Variants in CRISP3 observed in about 807,000 individuals in gnomAD.
The protein encoded by CRISP3 is cysteine-rich secretory protein 3.
Under a neutral mutation model 36.1 loss-of-function variants are expected in CRISP3, and 33 were observed. The ratio of observed to expected loss-of-function variants is 0.91; its 90% CI spans 0.69 to 1.22. The LOEUF (loss-of-function observed/expected upper bound fraction) is 1.22, where lower values mean the gene tolerates loss of function less well. Ranked by LOEUF, CRISP3 falls within the 50% of genes most tolerant of loss-of-function variation. CRISP3 has a pLI of 0.00. For missense variants in CRISP3, 330 were observed against 301.2 expected (o/e 1.10, Z -0.71); for synonymous variants, 117 against 104.6 (o/e 1.12, Z -0.72).
rs776121414 is a variant in CRISP3, at chr6:49,733,739, T to C, written c.426A>G (p.Pro142=). 1 of 1,613,718 alleles carries C rather than the reference T, an allele frequency of 6.2e-7. No homozygotes were observed. Among genetic ancestry groups the C allele is most frequent in the Non-Finnish European group, 8.5e-7 (1 of 1,179,672 alleles). ...GTCCAACCACTGCGTTGGGAGTCTT[T>C]GGCCCTACACCAAAGTCAAAATCAT... ...EYNDFDFGVG[P]KTPNAVVGHY... is the part of the protein sequence containing the mutation. The change falls in exon 5 of 8, where the codon CCA becomes CCG. Residue 142 remains proline (P), a synonymous_variant. Coordinates refer to ENST00000263045, the MANE Select transcript of CRISP3 (RefSeq NM_006061.4).
At chr6:49,734,457 AG>A (rs1321113128) in intron 4 of CRISP3, among the ~76,000 whole-genome samples, 1 of 152,200 alleles carries the variant, frequency 6.6e-6, no homozygotes, top group Non-Finnish European at 1.5e-5. Flanking sequence ...TCAAAAAATA[AG>A]GAAAAAAGTG....
intron 6 of CRISP3, among the ~76,000 whole-genome samples, chr6:49,732,948 G>T (rs1032545075): frequency 1.3e-5 from 2 of 152,240 alleles, no homozygotes; most frequent in East Asian, 3.9e-4. Flanking sequence ...CATAGCAAAA[G>T]GCAATTGAGA....
chr6:49,744,266 T>A, intron 1 of CRISP3, 65 bp downstream of exon 1: 1 of 1,181,952 alleles, frequency 8.5e-7, no homozygotes, highest in Non-Finnish European at 1.2e-6. Context: ...ATTGATAAGG[T>A]ATAAATGTGT....
chr6:49,734,103 C>G (rs928145519), intron 4 of CRISP3, among the ~76,000 whole-genome samples: 1 of 152,070 alleles, frequency 6.6e-6, no homozygotes, highest in African/African-American at 2.4e-5. Context: ...GATGGAGAAG[C>G]CTTTTTTCTT....
Position 49,728,837 on chromosome 6 carries a change from C to A in CRISP3, c.670G>T (p.Asp224Tyr). The change falls in exon 8 of 8, where the codon GAT (aspartate) becomes TAT (tyrosine). Residue 224 changes from aspartate (D) to tyrosine (Y), a missense_variant. Transcript: ENST00000263045. Reference sequence around the variant, plus strand: ...AAACTTTTACAGTTACTATAGAGATCTTCGTACTTGCAACCATTGGCTGGA... The same window carrying A: ...AAACTTTTACAGTTACTATAGAGATATTCGTACTTGCAACCATTGGCTGGA... ...GLCTNGCKYEDLYSNCKSLKL... is the reference protein window; with the variant it reads ...GLCTNGCKYEYLYSNCKSLKL... The A allele has an allele frequency of 1.2e-6, 2 of 1,610,642 alleles. No individual in the cohort carries two copies. The highest frequency in any genetic ancestry group is 1.7e-6 in the Non-Finnish European group (2 of 1,178,366).
chr6:49,735,350 T>G (rs964939547), intron 4 of CRISP3, among the ~76,000 whole-genome samples, 154 bp downstream of exon 4: 1 of 152,190 alleles, frequency 6.6e-6, no homozygotes, highest in African/African-American at 2.4e-5. Context: ...CAGATGGTGC[T>G]TCTCAGAGTT....
intron 1 of CRISP3, among the ~76,000 whole-genome samples, chr6:49,741,170 A>C: frequency 6.7e-6 from 1 of 149,726 alleles, no homozygotes; most frequent in Admixed American, 6.7e-5. Flanking sequence ...AAAAACAAAA[A>C]ACGAAAGTAC....
chr6:49,743,979 C>T (rs983195356), intron 1 of CRISP3, among the ~76,000 whole-genome samples: 16 of 152,076 alleles, frequency 1.1e-4, no homozygotes, highest in Non-Finnish European at 1.5e-5. Flanking sequence ...AGTATGCACA[C>T]ACATATATTC....
chr6:49,733,809 GA>G lies in CRISP3; in HGVS notation c.355del (p.Ser119ProfsTer22), dbSNP rs758123656. The part of the protein sequence containing the change: ...CGENLYMSSA[S>X]SSWSQAIQSW... ...TTGGATTGCTTGTGACCATGAGCTGGAGGCACTTGACATGTAGAGATTCTCA... is the reference window on the plus strand; with the variant it reads ...TTGGATTGCTTGTGACCATGAGCTGGGGCACTTGACATGTAGAGATTCTCA... On this transcript the variant is annotated frameshift_variant, in exon 5 of 8. Coordinates refer to ENST00000263045, the MANE Select transcript of CRISP3 (RefSeq NM_006061.4). LOFTEE classifies it high-confidence loss of function. The G allele has an allele frequency of 2.5e-6, 4 of 1,613,680 alleles. No homozygotes were observed. The highest frequency in any genetic ancestry group is 2.5e-6 in the Non-Finnish European group (3 of 1,179,714).
At position 49,737,332 on chromosome 6, in the gene CRISP3, T is replaced by C; in HGVS notation, c.104A>G (p.Glu35Gly). ...TTTTGACTTCAACCATACCTTATCT[T>C]CATTTGCTGGAAAAGATGGAAGCAG... is the stretch of plus-strand genomic sequence containing the variant. Reference protein sequence around the residue: ...AGLLPSFPANEDKDPAFTALL... With the variant: ...AGLLPSFPANGDKDPAFTALL... Residue 35 changes from glutamate (E) to glycine (G), a missense_variant, in exon 2 of 8, where the codon GAA becomes GGA. Coordinates refer to ENST00000263045, the MANE Select transcript of CRISP3 (RefSeq NM_006061.4). The C allele has an allele frequency of 6.2e-7, 1 of 1,613,796 alleles. No individual in the cohort carries two copies. Among genetic ancestry groups the C allele is most frequent in the South Asian group, 1.1e-5 (1 of 91,060 alleles).
At chr6:49,735,778 G>A (rs1769035022) in intron 3 of CRISP3, among the ~76,000 whole-genome samples, 187 bp from the exon 4 acceptor site, 7 of 152,002 alleles carry the variant, frequency 4.6e-5, no homozygotes. Context: ...AAGAAATATA[G>A]GTAATATGCC....
At chr6:49,732,628 G>A (rs1020160958) in intron 6 of CRISP3, among the ~76,000 whole-genome samples, 1 of 152,028 alleles carries the variant, frequency 6.6e-6, no homozygotes, top group Non-Finnish European at 1.5e-5. Flanking sequence ...ATTCTAAGAA[G>A]CAAAAATTTA....
Position 49,735,600 on chromosome 6 carries a change from A to C in CRISP3, c.229-9T>G. The C allele has an allele frequency of 6.2e-7, 1 of 1,608,560 alleles. No homozygotes were observed. The highest frequency in any genetic ancestry group is 8.5e-7 in the Non-Finnish European group (1 of 1,176,444). The stretch of plus-strand genomic sequence containing the variant: ...GCCTCTTTGTTCCATTCCTGAAACA[A>C]GGACAGAAAAAAGATATCCACTTAA... On this transcript the variant is annotated splice_polypyrimidine_tract_variant and intron_variant, in intron 3 of 7. Transcript: ENST00000263045.
At chr6:49,733,155 T>C (rs1370255500) in intron 6 of CRISP3, 40 bp downstream of exon 6, 1 of 1,131,024 alleles carries the variant, frequency 8.8e-7, no homozygotes. Flanking sequence ...TTAAATTGTA[T>C]TTAGCATTAT....
Position 49,735,547 on chromosome 6 carries a change from G to T in CRISP3, c.273C>A (p.Asn91Lys). ...GGTTACTGTGTCTGTAATTGCACTG[G>T]TTTGCCCACTTTTGGGCATTTGCTG... The part of the protein sequence containing the change: ...EAAANAQKWA[N>K]QCNYRHSNPK... The change falls in exon 4 of 8, where the codon AAC becomes AAA. Residue 91 changes from asparagine (N) to lysine (K), a missense_variant. Coordinates refer to ENST00000263045, the MANE Select transcript of CRISP3 (RefSeq NM_006061.4). 2 of 1,612,472 alleles carry T rather than the reference G, an allele frequency of 1.2e-6. No homozygotes were observed. Among genetic ancestry groups the T allele is most frequent in the Non-Finnish European group, 1.7e-6 (2 of 1,179,150 alleles).
chr6:49,733,923 C>CACA, intron 4 of CRISP3, 75 bp from the exon 5 acceptor site: 1 of 1,270,472 alleles, frequency 7.9e-7, no homozygotes. Flanking sequence ...CACACACACA[C>CACA]TACACACAGC....
chr6:49,739,453 C>T (rs893803228), intron 1 of CRISP3, among the ~76,000 whole-genome samples: 7 of 152,254 alleles, frequency 4.6e-5, no homozygotes, highest in Admixed American at 3.3e-4. Context: ...TGAATTTTCT[C>T]ATGTGTGCAA....
At position 49,739,404 on chromosome 6, in the gene CRISP3, C is replaced by T. The variant is rs143989056; in HGVS notation, c.38-2006G>A. 6.4e-3 allele frequency among the ~76,000 whole-genome samples: 967 copies of T among 152,186 alleles called. 11 individuals carry two copies. The highest frequency in any genetic ancestry group is 9.4e-3 in the Non-Finnish European group (637 of 68,008). On this transcript the variant is annotated intron_variant, in intron 1 of 7. Coordinates refer to ENST00000263045, the MANE Select transcript of CRISP3 (RefSeq NM_006061.4). ...CCCTCAGAGTCCTGGTATATAATTA[C>T]GGGAGCTCATCATTCAAGTACCCAG...
chr6:49,737,142 A>G (rs1769075106), intron 2 of CRISP3, among the ~76,000 whole-genome samples, 183 bp downstream of exon 2: 1 of 152,138 alleles, frequency 6.6e-6, no homozygotes. Context: ...TCATGTGGCT[A>G]GGGGCTACCA....
Sources: allele counts gnomAD v4.1 joint callset (sites outside exome capture counted in the v4.1 genomes callset), GRCh38; gene constraint gnomAD v4.1.1; transcripts MANE v1.5; gene names NCBI Gene and HGNC (gene_info 2026-07-23, HGNC 2026-07-21).